The following DIAPH2 variants were observed in gnomAD, a reference collection of about 807,000 sequenced individuals.
DIAPH2 encodes the protein diaphanous related formin 2, also known as protein diaphanous homolog 2.
Under a neutral mutation model 92.7 loss-of-function variants are expected in DIAPH2, and 35 were observed. The ratio of observed to expected loss-of-function variants is 0.38; its 90% CI spans 0.29 to 0.50. The LOEUF is 0.50. DIAPH2 is among the 20% of genes least tolerant of loss of function. The pLI is 0.94. For synonymous variants in DIAPH2, 301 were observed against 280.4 expected (o/e 1.07, Z -0.73); for missense variants, 701 against 819.5 (o/e 0.86, Z 1.77).
chrX:96,751,647 G>GTTTTTTTTTTTTTTTTTTTTTTTTTTT (rs1332024432), intron 3 of DIAPH2, among the ~76,000 whole-genome samples: 15 of 85,010 alleles, frequency 1.8e-4, no homozygotes, highest in Non-Finnish European at 2.2e-4. Flanking sequence ...AGACTTCAGT[G>GTTTTTTTTTTTTTTTTTTTTTTTTTTT]TTTTGTTTTT....
At chrX:97,064,791 G>GT (rs201267142) in intron 17 of DIAPH2, among the ~76,000 whole-genome samples, 4,383 of 110,950 alleles carry the variant, frequency 0.04, 87 homozygotes, top group Middle Eastern at 0.065. Context: ...CTCCACGGAA[G>GT]TTTTTTATCT....
chrX:96,928,725 A>G (rs2065599821), intron 9 of DIAPH2, among the ~76,000 whole-genome samples: 1 of 111,459 alleles, frequency 9.0e-6, no homozygotes, highest in South Asian at 3.7e-4. Context: ...TTGTTAAGCC[A>G]GTACCTTTAC....
intron 22 of DIAPH2, among the ~76,000 whole-genome samples, chrX:97,159,658 G>C (rs778388328): frequency 1.8e-5 from 2 of 110,815 alleles, no homozygotes; most frequent in African/African-American, 6.7e-5. Context: ...AGCCACATAC[G>C]CAGGTAGGTA....
chrX:96,748,415 C>T (rs1743593343), intron 3 of DIAPH2, among the ~76,000 whole-genome samples: 1 of 111,874 alleles, frequency 8.9e-6, no homozygotes, highest in Admixed American at 9.5e-5. Flanking sequence ...GAACTTAGCC[C>T]TGTGTAGGGG....
At chrX:96,838,021 G>T (rs1275119678) in intron 4 of DIAPH2, among the ~76,000 whole-genome samples, 2 of 111,943 alleles carry the variant, frequency 1.8e-5, no homozygotes, top group Non-Finnish European at 3.8e-5. Flanking sequence ...TGCCCAGTAA[G>T]TTGCTTGGCA....
At chrX:97,395,672 G>A (rs908213316) in intron 25 of DIAPH2, among the ~76,000 whole-genome samples, 10 of 110,890 alleles carry the variant, frequency 9.0e-5, no homozygotes, top group Admixed American at 2.9e-4. Context: ...TTCAGTTCTC[G>A]GGAAATAAGT....
At chrX:96,799,458 T>G (rs981406214) in intron 4 of DIAPH2, among the ~76,000 whole-genome samples, 1 of 112,130 alleles carries the variant, frequency 8.9e-6, no homozygotes, top group African/African-American at 3.2e-5. Context: ...TTGTCTTTCT[T>G]TAGTTAATAG....
chrX:97,435,893 C>T (rs1288028836), intron 26 of DIAPH2, among the ~76,000 whole-genome samples: 1 of 107,039 alleles, frequency 9.3e-6, no homozygotes, highest in Non-Finnish European at 1.9e-5. Context: ...CTGCAAGCTC[C>T]GCCTCTCGGG....
At chrX:97,450,284 A>C (rs1014303872) in intron 26 of DIAPH2, among the ~76,000 whole-genome samples, 5 of 111,845 alleles carry the variant, frequency 4.5e-5, no homozygotes, top group Non-Finnish European at 7.5e-5. Flanking sequence ...CATGTTATGT[A>C]GCTCAGTTTT....
At chrX:97,277,579 G>T (rs1299574190) in intron 23 of DIAPH2, among the ~76,000 whole-genome samples, 2 of 110,940 alleles carry the variant, frequency 1.8e-5, no homozygotes, top group Non-Finnish European at 3.8e-5. Context: ...AGTTTCTTGA[G>T]CCAGGATAAT....
intron 22 of DIAPH2, among the ~76,000 whole-genome samples, chrX:97,229,837 ATCTTAT>A (rs2067995196): frequency 1.9e-5 from 2 of 103,722 alleles, no homozygotes; most frequent in Non-Finnish European, 3.9e-5. Flanking sequence ...ACAATATTAC[ATCTTAT>A]TATATATAAC....
At chrX:97,162,218 T>C (rs1163634140) in intron 22 of DIAPH2, among the ~76,000 whole-genome samples, 1 of 111,195 alleles carries the variant, frequency 9.0e-6, no homozygotes, top group Non-Finnish European at 1.9e-5. Flanking sequence ...AGAAGCAGTA[T>C]AGTGTGGTGG....
chrX:96,708,520 G>A (rs974034542), intron 1 of DIAPH2, among the ~76,000 whole-genome samples: 13 of 110,279 alleles, frequency 1.2e-4, no homozygotes, highest in Non-Finnish European at 1.9e-4. Flanking sequence ...GATTAGAGGC[G>A]TGAGCCACCG....
intron 17 of DIAPH2, among the ~76,000 whole-genome samples, chrX:97,062,865 T>C: frequency 9.3e-6 from 1 of 106,976 alleles, no homozygotes; most frequent in Non-Finnish European, 1.9e-5. Context: ...AAACCCAGTC[T>C]CTACCAAAAA....
At chrX:97,351,367 G>T (rs1226459022) in intron 24 of DIAPH2, among the ~76,000 whole-genome samples, 1 of 112,301 alleles carries the variant, frequency 8.9e-6, no homozygotes, top group Non-Finnish European at 1.9e-5. Flanking sequence ...ATAAAAGGAA[G>T]AGAATGGTTT....
intron 22 of DIAPH2, among the ~76,000 whole-genome samples, chrX:97,149,984 G>T (rs1410156974): frequency 9.1e-6 from 1 of 109,728 alleles, no homozygotes; most frequent in African/African-American, 3.3e-5. Context: ...AAAATAAGAG[G>T]TCTAAAACAG....
rs970658374 is a variant in DIAPH2, at chrX:96,790,066, G to T, written c.447+31808G>T. 1.3e-4 allele frequency among the ~76,000 whole-genome samples: 14 copies of T among 107,155 alleles called. No individual in the cohort carries two copies. In the South Asian group the frequency reaches 2.5e-3, roughly 19 times the overall value. The allele number at this position is 107,155 out of a possible 115,157, so 93.1% of individuals were successfully genotyped here. ...ATGTTCAAAATTTAATTTCTTTTTT[G>T]TTTTTTGTTTTTTTTTTTTTGAGAC... On this transcript the variant is annotated intron_variant, in intron 4 of 26. Transcript: ENST00000324765.
intron 4 of DIAPH2, among the ~76,000 whole-genome samples, chrX:96,879,255 A>G (rs774950773): frequency 8.9e-6 from 1 of 111,854 alleles, no homozygotes; most frequent in African/African-American, 3.2e-5. Context: ...TGGAGCTGAG[A>G]TTAAAATGAT....
intron 23 of DIAPH2, among the ~76,000 whole-genome samples, chrX:97,267,194 C>A (rs1418716925): frequency 9.0e-6 from 1 of 111,597 alleles, no homozygotes; most frequent in Non-Finnish European, 1.9e-5. Context: ...ATTGTTCCAT[C>A]TGACTTTGAA....
Sources: gnomAD v4.1 joint callset for allele counts (sites outside exome capture counted in the v4.1 genomes callset) on GRCh38, gnomAD v4.1.1 for gene constraint, MANE v1.5 for transcripts, NCBI Gene and HGNC (gene_info 2026-07-23, HGNC 2026-07-21) for gene names.